CDH12: variants seen among roughly 807,000 people sequenced by gnomAD.
CDH12 encodes cadherin-12.
A neutral mutation model predicts 74.1 loss-of-function variants in CDH12; 41 were observed. The ratio of observed to expected loss-of-function variants is 0.55; its 90% CI spans 0.43 to 0.72. The LOEUF is 0.72. Among genes scored for constraint, CDH12 ranks in the 30% least tolerant of loss-of-function variants. The pLI, the probability that CDH12 is intolerant of heterozygous loss-of-function variation, is 0.00. For synonymous variants in CDH12, 399 were observed against 355.0 expected (o/e 1.12, Z -1.39); for missense variants, 945 against 977.2 (o/e 0.97, Z 0.44).
chr5:22,494,801 A>G (rs1454093862), intron 2 of CDH12, among the ~76,000 whole-genome samples: 1 of 152,168 alleles, frequency 6.6e-6, no homozygotes, highest in Non-Finnish European at 1.5e-5. Context: ...CAAGTTTATA[A>G]CTAGAATTAC....
intron 6 of CDH12, among the ~76,000 whole-genome samples, chr5:21,949,922 G>T (rs1375175584): frequency 6.6e-6 from 1 of 152,116 alleles, no homozygotes; most frequent in Admixed American, 6.6e-5. Context: ...TAAATTCAGT[G>T]TTTATAAAGT....
chr5:22,573,341 A>G (rs1486165323), intron 1 of CDH12, among the ~76,000 whole-genome samples: 4 of 152,208 alleles, frequency 2.6e-5, no homozygotes, highest in Non-Finnish European at 1.5e-5. Context: ...TCAGAGTTTT[A>G]AGGTAAAACT....
chr5:21,955,348 A>AAT (rs953021697), intron 6 of CDH12, among the ~76,000 whole-genome samples: 2 of 151,890 alleles, frequency 1.3e-5, no homozygotes, highest in Non-Finnish European at 2.9e-5. Flanking sequence ...CAAATTACTC[A>AAT]ATATATATAA....
chr5:22,518,070 G>A (rs996886340), intron 1 of CDH12, among the ~76,000 whole-genome samples: 1 of 152,116 alleles, frequency 6.6e-6, no homozygotes, highest in Admixed American at 6.6e-5. Context: ...TAGTTTTGTG[G>A]GGTCCCTGTC....
chr5:22,460,514 CA>C (rs1375660906), intron 2 of CDH12, among the ~76,000 whole-genome samples: 5 of 151,590 alleles, frequency 3.3e-5, no homozygotes, highest in Admixed American at 3.3e-4. Context: ...AGGTGTGGCT[CA>C]AAAATTACTC....
intron 4 of CDH12, among the ~76,000 whole-genome samples, chr5:22,195,548 T>G (rs1338782148): frequency 6.6e-6 from 1 of 152,238 alleles, no homozygotes; most frequent in Non-Finnish European, 1.5e-5. Context: ...GGAAAAACAA[T>G]TATTATTTTT....
chr5:22,546,409 T>C (rs909404868), intron 1 of CDH12, among the ~76,000 whole-genome samples: 3 of 152,216 alleles, frequency 2.0e-5, no homozygotes, highest in Non-Finnish European at 4.4e-5. Flanking sequence ...CTGAAAGCTC[T>C]GTAGCATGTT....
chr5:22,233,131 C>T (rs1213062117), intron 3 of CDH12, among the ~76,000 whole-genome samples: 1 of 151,420 alleles, frequency 6.6e-6, no homozygotes, highest in African/African-American at 2.4e-5. Flanking sequence ...ATTCTAAAGC[C>T]TTTGGATTTC....
chr5:22,689,391 C>T (rs534535703), intron 1 of CDH12, among the ~76,000 whole-genome samples: 1 of 152,104 alleles, frequency 6.6e-6, no homozygotes, highest in African/African-American at 2.4e-5. Context: ...TTCTTAGAAC[C>T]CTTACAAGGA....
chr5:21,982,795 A>G (rs186190569), intron 5 of CDH12, among the ~76,000 whole-genome samples: 66 of 152,256 alleles, frequency 4.3e-4, no homozygotes, highest in Non-Finnish European at 8.4e-4. Context: ...AATTAGAACA[A>G]TGTAAACCTT....
intron 2 of CDH12, among the ~76,000 whole-genome samples, chr5:22,423,245 T>G (rs1743735219): frequency 6.7e-6 from 1 of 148,490 alleles, no homozygotes; most frequent in African/African-American, 2.5e-5. Flanking sequence ...CCTAGCGAAC[T>G]TATGAAGATA....
chr5:22,068,339 C>G (rs549186811), intron 5 of CDH12, among the ~76,000 whole-genome samples: 4 of 152,162 alleles, frequency 2.6e-5, no homozygotes, highest in Non-Finnish European at 5.9e-5. Context: ...GAAAGAGAAG[C>G]CTTGAGCCTG....
At chr5:22,772,336 T>C (rs1425140348) in intron 1 of CDH12, among the ~76,000 whole-genome samples, 1 of 151,960 alleles carries the variant, frequency 6.6e-6, no homozygotes, top group African/African-American at 2.4e-5. Context: ...AGGTGTCCTA[T>C]GAAGAAAGAA....
At chr5:22,098,694 G>A (rs549264814) in intron 4 of CDH12, among the ~76,000 whole-genome samples, 59 of 152,038 alleles carry the variant, frequency 3.9e-4, no homozygotes, top group African/African-American at 1.1e-3. Context: ...ACTTCAATCC[G>A]GCCTCCCACA....
At chr5:22,713,427 C>T (rs1743397676) in intron 1 of CDH12, among the ~76,000 whole-genome samples, 1 of 151,962 alleles carries the variant, frequency 6.6e-6, no homozygotes, top group African/African-American at 2.4e-5. Context: ...AGGCATGAGC[C>T]ACCGCACCCG....
At chr5:22,455,561 T>A (rs1745230768) in intron 2 of CDH12, among the ~76,000 whole-genome samples, 1 of 152,158 alleles carries the variant, frequency 6.6e-6, no homozygotes, top group South Asian at 2.1e-4. Flanking sequence ...AACCATGATG[T>A]AAACCATACG....
chr5:22,821,358 C>A (rs951688037), intron 1 of CDH12, among the ~76,000 whole-genome samples: 8 of 152,114 alleles, frequency 5.3e-5, no homozygotes, highest in Non-Finnish European at 1.0e-4. Context: ...CACTCCTATT[C>A]AACATAGTGT....
intron 3 of CDH12, among the ~76,000 whole-genome samples, chr5:22,304,835 T>A (rs1738034367): frequency 6.6e-6 from 1 of 152,202 alleles, no homozygotes; most frequent in Non-Finnish European, 1.5e-5. Flanking sequence ...CAGTTATGCA[T>A]AAATTGGTTA....
intron 6 of CDH12, among the ~76,000 whole-genome samples, chr5:21,939,288 C>A (rs570707982): frequency 6.6e-6 from 1 of 151,468 alleles, no homozygotes; most frequent in African/African-American, 2.4e-5. Flanking sequence ...AATAGTTGCA[C>A]TGAGTTTTAT....
Sources: allele counts gnomAD v4.1 joint callset (sites outside exome capture counted in the v4.1 genomes callset), GRCh38; gene constraint gnomAD v4.1.1; transcripts MANE v1.5; gene names NCBI Gene and HGNC (gene_info 2026-07-23, HGNC 2026-07-21).